RABL3: variants seen among roughly 807,000 people sequenced by gnomAD.
RABL3 encodes rab-like protein 3.
RABL3 carries 31 observed loss-of-function variants against 31.8 expected under a neutral mutation model. The ratio of observed to expected loss-of-function variants is 0.97; its 90% CI spans 0.73 to 1.31. The LOEUF (loss-of-function observed/expected upper bound fraction) is 1.31, where lower values mean the gene tolerates loss of function less well. Ranked by LOEUF, RABL3 falls within the 40% of genes most tolerant of loss-of-function variation. The pLI is 0.00. For missense variants in RABL3, 263 were observed against 279.6 expected (o/e 0.94, Z 0.42); for synonymous variants, 97 against 99.9 (o/e 0.97, Z 0.18).
At chr3:120,707,477 T>C (rs563655736) in intron 3 of RABL3, among the ~76,000 whole-genome samples, 1 of 152,296 alleles carries the variant, frequency 6.6e-6, no homozygotes, top group East Asian at 1.9e-4. Context: ...AGAACAGTCC[T>C]ATGAAGAATT....
In RABL3 at chr3:120,686,530, C is replaced by G. The variant is rs1285784982; in HGVS notation, c.*3293G>C. 6.6e-6 allele frequency among the ~76,000 whole-genome samples: 1 copy of G among 152,160 alleles called. No individual in the cohort carries two copies. Among genetic ancestry groups the G allele is most frequent in the Non-Finnish European group, 1.5e-5 (1 of 68,036 alleles). Reference sequence around the variant, plus strand: ...CACCTGGATTATATCATGAATGCCTCAAGTTTGAGGAATTCTAAGAACCCG... The same window carrying G: ...CACCTGGATTATATCATGAATGCCTGAAGTTTGAGGAATTCTAAGAACCCG... On this transcript the variant is annotated 3_prime_UTR_variant, in exon 8 of 8. Transcript: ENST00000273375.
intron 5 of RABL3, among the ~76,000 whole-genome samples, chr3:120,695,154 T>A (rs1708424262): frequency 1.3e-5 from 2 of 152,046 alleles, no homozygotes; most frequent in Non-Finnish European, 2.9e-5. Context: ...ATTATTACAT[T>A]TATTCTGTTT....
At chr3:120,709,442 C>G (rs967688244) in intron 3 of RABL3, among the ~76,000 whole-genome samples, 7 of 151,980 alleles carry the variant, frequency 4.6e-5, no homozygotes, top group Non-Finnish European at 1.0e-4. Flanking sequence ...TCCTATGGTC[C>G]TACTGTACTT....
chr3:120,709,943 G>A (rs1369795288), intron 2 of RABL3, 34 bp from the exon 3 acceptor site: 2 of 1,522,744 alleles, frequency 1.3e-6, no homozygotes, highest in East Asian at 2.3e-5. Context: ...AATTAATATA[G>A]CCACTAAACA....
chr3:120,704,025 A>C (rs1708522079), intron 4 of RABL3, among the ~76,000 whole-genome samples: 1 of 152,212 alleles, frequency 6.6e-6, no homozygotes, highest in Non-Finnish European at 1.5e-5. Flanking sequence ...CAAAAAATAG[A>C]AGAGGAAGGA....
rs138344657 is a variant in RABL3, at chr3:120,710,754, A to G, written c.139-845T>C. Among the ~76,000 whole-genome samples the G allele has an allele frequency of 3.3e-5, 5 of 152,192 alleles. No individual in the cohort carries two copies. In the East Asian group the frequency reaches 9.7e-4, roughly 29 times the overall value. On this transcript the variant is annotated intron_variant, in intron 2 of 7. Transcript: ENST00000273375. ...CCACACAATTCAATTCTCAGCATAC[A>G]AACATGGCATAATTTTCCTCATCTA...
chr3:120,737,538 C>A (rs1210113493), intron 1 of RABL3, among the ~76,000 whole-genome samples: 4 of 152,252 alleles, frequency 2.6e-5, no homozygotes, highest in Non-Finnish European at 5.9e-5. Context: ...AAGTCATTCT[C>A]CATCCAGCTT....
At chr3:120,694,935 C>A (rs1708420932) in intron 5 of RABL3, among the ~76,000 whole-genome samples, 1 of 149,988 alleles carries the variant, frequency 6.7e-6, no homozygotes, top group African/African-American at 2.4e-5. Context: ...AAAAGGCCTA[C>A]TATCCGCTGG....
chr3:120,723,909 C>T (rs1272495720), intron 2 of RABL3, among the ~76,000 whole-genome samples: 3 of 152,042 alleles, frequency 2.0e-5, no homozygotes, highest in African/African-American at 4.8e-5. Flanking sequence ...TGCCCTCTCT[C>T]ACCACTCCTA....
intron 1 of RABL3, among the ~76,000 whole-genome samples, chr3:120,734,726 C>G (rs1470396460): frequency 1.3e-5 from 2 of 152,140 alleles, no homozygotes; most frequent in African/African-American, 2.4e-5. Context: ...CCATCAATAC[C>G]TAATTTATTG....
intron 6 of RABL3, among the ~76,000 whole-genome samples, chr3:120,693,686 T>A (rs1201500090): frequency 6.6e-6 from 1 of 152,186 alleles, no homozygotes; most frequent in Non-Finnish European, 1.5e-5. Flanking sequence ...AATGCAAATA[T>A]TTCTGAGAGG....
Position 120,738,874 on chromosome 3 carries a change from G to A in RABL3, c.46+3588C>T, listed in dbSNP as rs550371499. 3.9e-5 allele frequency among the ~76,000 whole-genome samples: 6 copies of A among 152,198 alleles called. No individual in the cohort carries two copies. In the South Asian group the frequency reaches 1.2e-3, roughly 32 times the overall value. On this transcript the variant is annotated intron_variant, in intron 1 of 7. Transcript: ENST00000273375. ...AAAGGTTATTTCTGTTTAAACCTTT[G>A]TTTAAAATTAAAATTATGTCCTTAG...
rs561717102 is a variant in RABL3, at chr3:120,727,629, CAAT to C, written c.138+3064_138+3066del. Among the ~76,000 whole-genome samples, 417 of 152,160 alleles carry C rather than the reference CAAT, an allele frequency of 2.7e-3. 2 individuals carry two copies. The highest frequency in any genetic ancestry group is 9.2e-3 in the African/African-American group (382 of 41,540). ...TAGCATAAGCCTGATAGAAAACCCA[CAAT>C]GAGATTACAAGAAAAGAAAATGATG... is the stretch of plus-strand genomic sequence containing the variant. On this transcript the variant is annotated intron_variant, in intron 2 of 7. Coordinates refer to ENST00000273375, the MANE Select transcript of RABL3 (RefSeq NM_173825.5).
intron 2 of RABL3, among the ~76,000 whole-genome samples, chr3:120,719,226 A>C (rs1435435824): frequency 2.0e-5 from 3 of 152,236 alleles, no homozygotes; most frequent in Non-Finnish European, 4.4e-5. Context: ...GGGTGGAGCC[A>C]GGATGGCCGA....
intron 1 of RABL3, among the ~76,000 whole-genome samples, chr3:120,736,062 G>A (rs1223818033): frequency 1.3e-5 from 2 of 152,154 alleles, no homozygotes; most frequent in Admixed American, 6.5e-5. Flanking sequence ...TATTAGGTCC[G>A]CTTGGTGCAG....
intron 2 of RABL3, among the ~76,000 whole-genome samples, chr3:120,716,188 T>C (rs1708666438): frequency 6.6e-6 from 1 of 152,236 alleles, no homozygotes; most frequent in Admixed American, 6.5e-5. Flanking sequence ...TCCTTATTTA[T>C]AGTTTGTGAA....
rs1709056761 is a variant in RABL3, at chr3:120,742,382, T to C, written c.46+80A>G. On this transcript the variant is annotated intron_variant, in intron 1 of 7. Transcript: ENST00000273375. ...AGCCACGGGCCGAGGAGCCAGGAAG[T>C]TGAGGGAAGGAAGCTAAGGGGAGGG... 3.7e-6 allele frequency: 5 copies of C among 1,357,584 alleles called. No homozygotes were observed. The South Asian group carries it at 5.9e-5, about 16-fold the overall frequency. The allele number at this position is 1,357,584 out of a possible 1,614,324, so 84.1% of individuals were successfully genotyped here. A position where few individuals can be genotyped will look rare whatever the true frequency, so the allele number is the denominator to read the frequency against.
intron 2 of RABL3, chr3:120,722,718 G>A (rs1263297773): frequency 6.6e-6 from 1 of 152,098 alleles, no homozygotes; most frequent in Non-Finnish European, 1.5e-5. Flanking sequence ...ACGAAATGAA[G>A]GCAGAAATAA....
At chr3:120,703,016 C>A (rs1396979593) in intron 4 of RABL3, among the ~76,000 whole-genome samples, 1 of 152,058 alleles carries the variant, frequency 6.6e-6, no homozygotes, top group East Asian at 1.9e-4. Flanking sequence ...AAAGGGAGCC[C>A]CAGCAAATCA....
Sources: allele counts gnomAD v4.1 joint callset (sites outside exome capture counted in the v4.1 genomes callset), GRCh38; gene constraint gnomAD v4.1.1; transcripts MANE v1.5; gene names NCBI Gene and HGNC (gene_info 2026-07-23, HGNC 2026-07-21).